Variants in CLSTN2 observed in about 807,000 individuals in gnomAD.
CLSTN2 encodes the protein calsyntenin 2.
In CLSTN2, 48 loss-of-function variants were observed where a neutral mutation model predicts 101.2. The ratio of observed to expected loss-of-function variants is 0.47; its 90% confidence interval spans 0.38 to 0.60. The LOEUF (loss-of-function observed/expected upper bound fraction) is 0.60, where lower values mean the gene tolerates loss of function less well. CLSTN2 is among the 20% of genes least tolerant of loss of function. The pLI is 0.00. For synonymous variants in CLSTN2, 481 were observed against 463.6 expected (o/e 1.04, Z -0.48); for missense variants, 1,160 against 1,238.2 (o/e 0.94, Z 0.95).
At chr3:140,220,091 C>G (rs746440770) in intron 2 of CLSTN2, among the ~76,000 whole-genome samples, 67 of 152,212 alleles carry the variant, frequency 4.4e-4, no homozygotes, top group Non-Finnish European at 8.1e-4. Context: ...AACTGCTATG[C>G]TATACTGCCT....
intron 1 of CLSTN2, among the ~76,000 whole-genome samples, chr3:139,963,649 T>A (rs1428341121): frequency 6.6e-6 from 1 of 152,214 alleles, no homozygotes; most frequent in East Asian, 1.9e-4. Flanking sequence ...ATCACAGTAA[T>A]CCTAAAGACA....
At chr3:139,963,037 A>C (rs563790328) in intron 1 of CLSTN2, among the ~76,000 whole-genome samples, 1 of 152,228 alleles carries the variant, frequency 6.6e-6, no homozygotes, top group Admixed American at 6.5e-5. Flanking sequence ...CAACACATTA[A>C]ATTATTTTAA....
intron 5 of CLSTN2, among the ~76,000 whole-genome samples, chr3:140,428,589 G>A (rs555820043): frequency 8.5e-5 from 13 of 152,240 alleles, no homozygotes; most frequent in African/African-American, 2.4e-4. Context: ...CACCTCATCC[G>A]TGAGTGTGAT....
intron 1 of CLSTN2, among the ~76,000 whole-genome samples, chr3:140,134,735 G>A (rs1165344367): frequency 1.3e-5 from 2 of 152,158 alleles, no homozygotes; most frequent in Non-Finnish European, 2.9e-5. Context: ...GATCATCAGT[G>A]TGAAGCTGGG....
chr3:140,053,715 G>A (rs2008045024), intron 1 of CLSTN2, among the ~76,000 whole-genome samples: 1 of 152,034 alleles, frequency 6.6e-6, no homozygotes, highest in Non-Finnish European at 1.5e-5. Context: ...CTTCATTCCT[G>A]CCCCCTGAGC....
chr3:140,350,905 C>A (rs2087598910), intron 2 of CLSTN2, among the ~76,000 whole-genome samples: 1 of 152,164 alleles, frequency 6.6e-6, no homozygotes, highest in Admixed American at 6.5e-5. Flanking sequence ...AATCCCTGCC[C>A]CTACCTGTCC....
intron 2 of CLSTN2, among the ~76,000 whole-genome samples, chr3:140,400,228 C>T (rs1416391376): frequency 6.6e-6 from 1 of 152,194 alleles, no homozygotes; most frequent in African/African-American, 2.4e-5. Flanking sequence ...CTTGTTCTCA[C>T]TCTGAGTCCC....
At chr3:140,132,693 C>T (rs73868737) in intron 1 of CLSTN2, among the ~76,000 whole-genome samples, 5,559 of 152,232 alleles carry the variant, frequency 0.037, 218 homozygotes, top group African/African-American at 0.1. Context: ...CAGTTTTATA[C>T]TTCTTAAAGT....
intron 4 of CLSTN2, among the ~76,000 whole-genome samples, chr3:140,408,322 A>G (rs2088327726): frequency 6.6e-6 from 1 of 152,124 alleles, no homozygotes; most frequent in Non-Finnish European, 1.5e-5. Context: ...CCATATAGCT[A>G]GGGAGATCAG....
chr3:140,047,961 T>C (rs1191065975), intron 1 of CLSTN2, among the ~76,000 whole-genome samples: 1 of 152,176 alleles, frequency 6.6e-6, no homozygotes, highest in Non-Finnish European at 1.5e-5. Context: ...AAATGGGAAA[T>C]GATCATTACT....
At chr3:140,193,261 G>GTTTTTTT (rs367933711) in intron 2 of CLSTN2, among the ~76,000 whole-genome samples, 41 of 87,384 alleles carry the variant, frequency 4.7e-4, no homozygotes, top group Non-Finnish European at 6.2e-4. Context: ...CTTTTTTATA[G>GTTTTTTT]TTTTTTTTTT....
chr3:140,009,011 C>T (rs2007016555), intron 1 of CLSTN2, among the ~76,000 whole-genome samples: 1 of 152,162 alleles, frequency 6.6e-6, no homozygotes, highest in Non-Finnish European at 1.5e-5. Context: ...GCCTTGTTGA[C>T]TTTATTTTTG....
In CLSTN2 at chr3:139,969,326, G is replaced by T. The variant is rs983580869; in HGVS notation, c.109+33843G>T. On this transcript the variant is annotated intron_variant, in intron 1 of 16. Coordinates refer to ENST00000458420, the MANE Select transcript of CLSTN2 (RefSeq NM_022131.3). Reference sequence around the variant, plus strand: ...TTCAGTGTCACTGCCTACCCTGGGTGGGTACTTAATTCCTGGGGAGGTTGC... The same window carrying T: ...TTCAGTGTCACTGCCTACCCTGGGTTGGTACTTAATTCCTGGGGAGGTTGC... 3.9e-5 allele frequency among the ~76,000 whole-genome samples: 6 copies of T among 152,280 alleles called. No homozygotes were observed. The East Asian group carries it at 9.6e-4, about 24-fold the overall frequency.
chr3:139,971,826 C>G (rs941110588), intron 1 of CLSTN2, among the ~76,000 whole-genome samples: 1 of 152,148 alleles, frequency 6.6e-6, no homozygotes, highest in Non-Finnish European at 1.5e-5. Flanking sequence ...CCAGCTGTGC[C>G]TCATGCCCAT....
intron 2 of CLSTN2, among the ~76,000 whole-genome samples, chr3:140,317,463 A>C: frequency 6.6e-6 from 1 of 152,092 alleles, no homozygotes. Flanking sequence ...GCTGCAGTCC[A>C]CTGGAGGAGT....
At chr3:139,995,723 ATCTG>A (rs1936192435) in intron 1 of CLSTN2, among the ~76,000 whole-genome samples, 2 of 151,638 alleles carry the variant, frequency 1.3e-5, no homozygotes, top group South Asian at 4.2e-4. Context: ...CCGCAGATCT[ATCTG>A]CCATCTGTGC....
intron 2 of CLSTN2, among the ~76,000 whole-genome samples, chr3:140,185,941 C>T (rs1188631974): frequency 6.6e-6 from 1 of 152,132 alleles, no homozygotes; most frequent in Non-Finnish European, 1.5e-5. Flanking sequence ...CACTTTTATC[C>T]ACTCTATCTC....
intron 2 of CLSTN2, among the ~76,000 whole-genome samples, chr3:140,176,459 G>T (rs1470982430): frequency 1.3e-5 from 2 of 152,126 alleles, no homozygotes; most frequent in African/African-American, 4.8e-5. Flanking sequence ...TCATAGCTTG[G>T]TACATTGGCA....
chr3:139,982,101 A>G (rs999761532), intron 1 of CLSTN2, among the ~76,000 whole-genome samples: 1 of 152,212 alleles, frequency 6.6e-6, no homozygotes, highest in African/African-American at 2.4e-5. Flanking sequence ...GGAGAAGCCA[A>G]ATTTACTGTG....
Sources: gnomAD v4.1 joint callset for allele counts (sites outside exome capture counted in the v4.1 genomes callset) on GRCh38, gnomAD v4.1.1 for gene constraint, MANE v1.5 for transcripts, NCBI Gene and HGNC (gene_info 2026-07-23, HGNC 2026-07-21) for gene names.